Variants in COL28A1 observed in about 807,000 individuals in gnomAD.
The protein encoded by COL28A1 is collagen alpha-1(XXVIII) chain.
Under a neutral mutation model 150.2 loss-of-function variants are expected in COL28A1, and 161 were observed. That is an observed-to-expected ratio of 1.07 (90% CI 0.94 to 1.22). The LOEUF is 1.22. Ranked by LOEUF, COL28A1 falls within the 50% of genes most tolerant of loss-of-function variation. The pLI is 0.00. For missense variants in COL28A1, 1,617 were observed against 1,388.3 expected (o/e 1.16, Z -2.62); for synonymous variants, 552 against 469.7 (o/e 1.18, Z -2.26).
intron 33 of COL28A1, 97 bp from the exon 34 acceptor site, chr7:7,360,625 C>T: frequency 1.9e-6 from 2 of 1,043,548 alleles, no homozygotes; most frequent in South Asian, 1.6e-5. Flanking sequence ...TTCAGCCATG[C>T]TGTGTTTCCC....
intron 27 of COL28A1, among the ~76,000 whole-genome samples, chr7:7,391,027 A>G (rs961816036): frequency 6.6e-6 from 1 of 151,882 alleles, no homozygotes; most frequent in Admixed American, 6.6e-5. Flanking sequence ...TAGCTTTTGA[A>G]TTTGTTTGGT....
At chr7:7,443,557 G>A in intron 20 of COL28A1, 28 bp downstream of exon 20, 2 of 1,613,332 alleles carry the variant, frequency 1.2e-6, no homozygotes, top group Non-Finnish European at 1.7e-6. Context: ...AACACAGGCT[G>A]CTTCCACCAA....
chr7:7,450,511 T>C (rs991581269), intron 18 of COL28A1, among the ~76,000 whole-genome samples: 3 of 152,188 alleles, frequency 2.0e-5, no homozygotes, highest in African/African-American at 4.8e-5. Flanking sequence ...GTAAGATATA[T>C]TTGTACACAC....
chr7:7,359,709 T>A (rs1583210227), intron 34 of COL28A1, among the ~76,000 whole-genome samples: 3 of 152,306 alleles, frequency 2.0e-5, no homozygotes, highest in Admixed American at 2.0e-4. Flanking sequence ...TTCCCAGATT[T>A]GGGGTATGGC....
At chr7:7,364,621 A>C (rs1178543399) in intron 33 of COL28A1, among the ~76,000 whole-genome samples, 3 of 152,150 alleles carry the variant, frequency 2.0e-5, no homozygotes, top group African/African-American at 7.2e-5. Context: ...TATATGCTAC[A>C]TGTTAATAAC....
intron 18 of COL28A1, among the ~76,000 whole-genome samples, chr7:7,445,068 C>T (rs1583391646): frequency 6.6e-6 from 1 of 152,284 alleles, no homozygotes; most frequent in Middle Eastern, 3.4e-3. Flanking sequence ...CACCTTTTGC[C>T]AGGATTGTAA....
At chr7:7,498,772 A>G (rs1780355770) in intron 11 of COL28A1, among the ~76,000 whole-genome samples, 1 of 152,198 alleles carries the variant, frequency 6.6e-6, no homozygotes, top group Non-Finnish European at 1.5e-5. Context: ...AAGACACTGC[A>G]GTGGCTGATT....
rs572981851 is a variant in COL28A1, at chr7:7,383,666, T to C, written c.2137-2054A>G. On this transcript the variant is annotated intron_variant, in intron 27 of 34. Coordinates refer to ENST00000399429, the MANE Select transcript of COL28A1 (RefSeq NM_001037763.3). ...AACCTCAATATTATCTATTTGAAAT[T>C]TGTGTGTGTGTGTGTGTATATATAT... 4.7e-5 allele frequency among the ~76,000 whole-genome samples: 5 copies of C among 107,426 alleles called. No homozygotes were observed. The East Asian group carries it at 1.5e-3, about 33-fold the overall frequency. The allele number at this position is 107,426 out of a possible 152,430, so 70.5% of individuals were successfully genotyped here.
At chr7:7,412,788 C>A (rs1022866245) in intron 27 of COL28A1, among the ~76,000 whole-genome samples, 2 of 152,072 alleles carry the variant, frequency 1.3e-5, no homozygotes, top group South Asian at 4.1e-4. Context: ...GTGTCCTAGA[C>A]ATTTTATACA....
the COL28A1 span, among the ~76,000 whole-genome samples, chr7:7,345,069 C>T: frequency 2.0e-5 from 3 of 151,880 alleles, no homozygotes; most frequent in East Asian, 3.9e-4. Context: ...GGGTGGGGGG[C>T]GTTCTCTTTT....
intron 31 of COL28A1, among the ~76,000 whole-genome samples, chr7:7,374,279 T>C (rs1418721446): frequency 2.9e-4 from 44 of 152,080 alleles, no homozygotes. Flanking sequence ...ATTTCAGTCT[T>C]CAACCATAGC....
At chr7:7,411,992 C>T (rs967024891) in intron 27 of COL28A1, among the ~76,000 whole-genome samples, 1 of 152,078 alleles carries the variant, frequency 6.6e-6, no homozygotes, top group African/African-American at 2.4e-5. Flanking sequence ...AATTTCCATC[C>T]TTCCTAGAAA....
rs567454397 is a variant in COL28A1, at chr7:7,446,846, A to G, written c.1510-2357T>C. On this transcript the variant is annotated intron_variant, in intron 18 of 34. Coordinates refer to ENST00000399429, the MANE Select transcript of COL28A1 (RefSeq NM_001037763.3). ...CATCTGGGTGAACCAAGGTATCAAAAGTTCACAGAGTAGATTACCAGAAAG... is the reference window on the plus strand; with the variant it reads ...CATCTGGGTGAACCAAGGTATCAAAGGTTCACAGAGTAGATTACCAGAAAG... 2.6e-5 allele frequency among the ~76,000 whole-genome samples: 4 copies of G among 152,322 alleles called. No individual in the cohort carries two copies. The South Asian group carries it at 8.3e-4, about 32-fold the overall frequency.
At chr7:7,447,743 A>T (rs1786370526) in intron 18 of COL28A1, among the ~76,000 whole-genome samples, 1 of 152,182 alleles carries the variant, frequency 6.6e-6, no homozygotes, top group Non-Finnish European at 1.5e-5. Context: ...AGTGTCATGG[A>T]AGAAAAGATT....
At chr7:7,472,978 T>G (rs910812016) in intron 15 of COL28A1, among the ~76,000 whole-genome samples, 9 of 152,182 alleles carry the variant, frequency 5.9e-5, no homozygotes, top group African/African-American at 2.2e-4. Flanking sequence ...AAGCCATATG[T>G]AGAAGAATAA....
intron 25 of COL28A1, among the ~76,000 whole-genome samples, chr7:7,422,164 CAACAA>C (rs1327885180): frequency 4.6e-5 from 7 of 152,148 alleles, no homozygotes; most frequent in African/African-American, 1.7e-4. Context: ...TGACACTCTC[CAACAA>C]AACAAGTCAA....
At chr7:7,475,714 G>T (rs1788811434) in intron 14 of COL28A1, among the ~76,000 whole-genome samples, 1 of 151,948 alleles carries the variant, frequency 6.6e-6, no homozygotes. Flanking sequence ...GAATTTTTCA[G>T]ATTATTTGGG....
the COL28A1 span, among the ~76,000 whole-genome samples, chr7:7,349,521 A>G: frequency 6.6e-6 from 1 of 152,138 alleles, no homozygotes; most frequent in African/African-American, 2.4e-5. Flanking sequence ...CTTTCTTTAC[A>G]GTACTCTTCC....
the COL28A1 span, among the ~76,000 whole-genome samples, chr7:7,542,606 A>G: frequency 6.6e-6 from 1 of 152,236 alleles, no homozygotes; most frequent in Admixed American, 6.5e-5. Context: ...TGGAAGTTGG[A>G]AGTGCAGGAG....
Sources: allele counts gnomAD v4.1 joint callset (sites outside exome capture counted in the v4.1 genomes callset), GRCh38; gene constraint gnomAD v4.1.1; transcripts MANE v1.5; gene names NCBI Gene and HGNC (gene_info 2026-07-23, HGNC 2026-07-21).